Variants in NARS2 observed in about 807,000 individuals in gnomAD.
NARS2 encodes the protein asparaginyl-tRNA synthetase.
NARS2 carries 60 observed loss-of-function variants against 62.9 expected under a neutral mutation model. The observed-to-expected ratio is 0.95, with a 90% CI of 0.77 to 1.18. The LOEUF is 1.18. NARS2 is among the 50% of genes most tolerant of loss of function. NARS2 has a pLI of 0.00. For missense variants in NARS2, 619 were observed against 576.4 expected, an observed-to-expected ratio of 1.07 and a Z score of -0.76; for synonymous variants, 196 against 200.0, an observed-to-expected ratio of 0.98 and a Z score of 0.17.
intron 6 of NARS2, among the ~76,000 whole-genome samples, chr11:78,508,096 T>C (rs954852057): frequency 5.9e-5 from 9 of 151,698 alleles, no homozygotes; most frequent in African/African-American, 2.2e-4. Flanking sequence ...ATAATTGAAA[T>C]GAAAATTTCA....
intron 11 of NARS2, among the ~76,000 whole-genome samples, chr11:78,456,417 C>T (rs1261237483): frequency 6.6e-6 from 1 of 152,126 alleles, no homozygotes; most frequent in Non-Finnish European, 1.5e-5. Flanking sequence ...TCAATTTTGA[C>T]AAAAATTTCT....
intron 5 of NARS2, among the ~76,000 whole-genome samples, chr11:78,535,253 T>C (rs1489545824): frequency 6.6e-6 from 1 of 152,214 alleles, no homozygotes; most frequent in Non-Finnish European, 1.5e-5. Flanking sequence ...GTAATTTCTG[T>C]TGTTTCCAGC....
chr11:78,455,213 CTCTCCA>C (rs1245814719), intron 11 of NARS2, among the ~76,000 whole-genome samples: 2 of 152,142 alleles, frequency 1.3e-5, no homozygotes, highest in Non-Finnish European at 2.9e-5. Flanking sequence ...ACACTCCAAT[CTCTCCA>C]TAATTGTTCC....
chr11:78,566,754 G>A (rs534482789), intron 3 of NARS2, among the ~76,000 whole-genome samples: 13 of 152,190 alleles, frequency 8.5e-5, no homozygotes, highest in Non-Finnish European at 1.5e-4. Context: ...TATTATCAAC[G>A]TGCTACTTCC....
chr11:78,563,606 T>G (rs10793333), intron 4 of NARS2, among the ~76,000 whole-genome samples: 114,545 of 149,960 alleles, frequency 0.76, 44,128 homozygotes, highest in African/African-American at 0.81. Flanking sequence ...GCTGAGGTGG[T>G]TGGATCACCT....
intron 6 of NARS2, among the ~76,000 whole-genome samples, chr11:78,503,057 T>A (rs1161003033): frequency 1.3e-5 from 2 of 151,794 alleles, no homozygotes; most frequent in Non-Finnish European, 2.9e-5. Context: ...CACATTTCAT[T>A]TCATCCTTGC....
chr11:78,469,384 C>A, intron 9 of NARS2, 71 bp from the exon 10 acceptor site: 1 of 1,141,014 alleles, frequency 8.8e-7, no homozygotes, highest in Admixed American at 1.7e-5. Flanking sequence ...ATTTTAAAAC[C>A]AGAAAAAGCG....
In NARS2 at chr11:78,492,981, C is replaced by A. The variant is rs112893372; in HGVS notation, c.822+82G>T. 5.6e-6 allele frequency: 7 copies of A among 1,249,700 alleles called. No individual in the cohort carries two copies. The African/African-American group carries it at 1.1e-4, about 19-fold the overall frequency. The allele number at this position is 1,249,700 out of a possible 1,614,324, so 77.4% of individuals were successfully genotyped here. A position where few individuals can be genotyped will look rare whatever the true frequency, so the allele number is the denominator to read the frequency against. On this transcript the variant is annotated intron_variant, in intron 7 of 13. Transcript: ENST00000281038. ...CTTTTCACTTTATGAATACCTGTAA[C>A]ACATAAACGTCCGAGGTAAAAATAT...
chr11:78,560,069 G>A (rs1856505750), intron 4 of NARS2, among the ~76,000 whole-genome samples: 2 of 152,000 alleles, frequency 1.3e-5, no homozygotes, highest in Admixed American at 1.3e-4. Context: ...GTTGCTAGAG[G>A]AATACAAAGC....
chr11:78,480,295 T>C (rs1859292055), intron 7 of NARS2, among the ~76,000 whole-genome samples: 1 of 152,002 alleles, frequency 6.6e-6, no homozygotes, highest in South Asian at 2.1e-4. Flanking sequence ...AGACGGAGTC[T>C]TGCTCTCTCA....
rs937854474 is a variant in NARS2, at chr11:78,469,372, T to A, written c.960-59A>T. ...CAATACAATGGAGCTGCTAACTAGT[T>A]CATTTTAAAACCAGAAAAAGCGTAC... On this transcript the variant is annotated intron_variant, in intron 9 of 13. Transcript: ENST00000281038. 1.4e-5 allele frequency: 19 copies of A among 1,316,222 alleles called. No individual in the cohort carries two copies. The Admixed American group carries it at 1.5e-4, about 11-fold the overall frequency. The allele number at this position is 1,316,222 out of a possible 1,614,324, so 81.5% of individuals were successfully genotyped here. A position where few individuals can be genotyped will look rare whatever the true frequency, so the allele number is the denominator to read the frequency against.
chr11:78,477,840 C>T (rs996925228), intron 9 of NARS2, among the ~76,000 whole-genome samples: 1 of 152,140 alleles, frequency 6.6e-6, no homozygotes, highest in Non-Finnish European at 1.5e-5. Context: ...CCAGCTTGTC[C>T]ACCTACCCCG....
intron 5 of NARS2, among the ~76,000 whole-genome samples, chr11:78,535,663 C>G: frequency 6.6e-6 from 1 of 150,950 alleles, no homozygotes; most frequent in Non-Finnish European, 1.5e-5. Context: ...GAGTTTCACT[C>G]TTATTGCCGA....
intron 12 of NARS2, among the ~76,000 whole-genome samples, chr11:78,443,018 G>T (rs572344253): frequency 6.6e-6 from 1 of 152,068 alleles, no homozygotes; most frequent in Non-Finnish European, 1.5e-5. Context: ...AAAGAACACA[G>T]ATAAGATAAA....
intron 11 of NARS2, among the ~76,000 whole-genome samples, chr11:78,451,622 C>T (rs1164048985): frequency 6.6e-6 from 1 of 152,058 alleles, no homozygotes; most frequent in Admixed American, 6.6e-5. Context: ...ACAATAAAGA[C>T]AGGAGGAATT....
At chr11:78,448,498 C>T (rs1857843343) in intron 11 of NARS2, among the ~76,000 whole-genome samples, 1 of 152,004 alleles carries the variant, frequency 6.6e-6, no homozygotes, top group Non-Finnish European at 1.5e-5. Context: ...ACTATGTCGG[C>T]CAGGCTGGTC....
intron 6 of NARS2, among the ~76,000 whole-genome samples, chr11:78,521,162 C>T (rs1225881137): frequency 2.7e-5 from 4 of 148,282 alleles, no homozygotes; most frequent in Non-Finnish European, 5.9e-5. Flanking sequence ...TATTCTCTCT[C>T]TTTCTTTTTT....
chr11:78,553,895 C>T (rs914097368), intron 5 of NARS2, among the ~76,000 whole-genome samples: 3 of 152,138 alleles, frequency 2.0e-5, no homozygotes, highest in Admixed American at 1.3e-4. Flanking sequence ...CCTCTTTAAT[C>T]CATCTTGAGT....
intron 11 of NARS2, among the ~76,000 whole-genome samples, chr11:78,447,938 A>G (rs1857820728): frequency 6.6e-6 from 1 of 152,178 alleles, no homozygotes; most frequent in African/African-American, 2.4e-5. Flanking sequence ...TATTAATCAA[A>G]AGGTGCAAAA....
Sources: allele counts gnomAD v4.1 joint callset (sites outside exome capture counted in the v4.1 genomes callset), GRCh38; gene constraint gnomAD v4.1.1; transcripts MANE v1.5; gene names NCBI Gene and HGNC (gene_info 2026-07-23, HGNC 2026-07-21).